Variants in ZNF366 observed in about 807,000 individuals in gnomAD.
ZNF366 encodes zinc finger protein 366.
Under a neutral mutation model 47.2 loss-of-function variants are expected in ZNF366, and 20 were observed. That is an observed-to-expected ratio of 0.42 (90% CI 0.30 to 0.62). The LOEUF (loss-of-function observed/expected upper bound fraction) is 0.62, where lower values mean the gene tolerates loss of function less well. Among genes scored for constraint, ZNF366 ranks in the 20% least tolerant of loss-of-function variants. The probability of loss-of-function intolerance (pLI) is 0.16; values close to 1 mark genes in which losing one functional copy is unlikely to be tolerated. For missense variants in ZNF366, 987 were observed against 976.3 expected, an observed-to-expected ratio of 1.01 and a Z score of -0.15; for synonymous variants, 421 against 395.1, an observed-to-expected ratio of 1.07 and a Z score of -0.78.
At chr5:72,444,381 G>A (rs1742920387) in intron 4 of ZNF366, 90 bp from the exon 5 acceptor site, 2 of 1,353,602 alleles carry the variant, frequency 1.5e-6, no homozygotes, top group Admixed American at 2.3e-5. Flanking sequence ...GCCGTTTAAT[G>A]TATTCCGATG....
intron 1 of ZNF366, among the ~76,000 whole-genome samples, chr5:72,495,068 G>A (rs568677994): frequency 6.6e-6 from 1 of 152,066 alleles, no homozygotes; most frequent in African/African-American, 2.4e-5. Flanking sequence ...CCTCATTGAT[G>A]TTGGCTTGTG....
intron 1 of ZNF366, among the ~76,000 whole-genome samples, chr5:72,492,599 A>T (rs182278437): frequency 6.6e-6 from 1 of 152,332 alleles, no homozygotes; most frequent in Non-Finnish European, 1.5e-5. Flanking sequence ...CACAAAAACA[A>T]AGCAAAAGCA....
chr5:72,461,539 TG>T, intron 1 of ZNF366, 29 bp from the exon 2 acceptor site: 1 of 1,516,792 alleles, frequency 6.6e-7, no homozygotes, highest in Non-Finnish European at 8.8e-7. Context: ...TTGTGTGTTT[TG>T]GTTTGGTTTT....
At chr5:72,445,586 G>A (rs962274774) in intron 4 of ZNF366, among the ~76,000 whole-genome samples, 3 of 152,162 alleles carry the variant, frequency 2.0e-5, no homozygotes, top group African/African-American at 4.8e-5. Flanking sequence ...ATTTTTCAAA[G>A]CAACCCTCTG....
intron 3 of ZNF366, among the ~76,000 whole-genome samples, chr5:72,452,104 A>G (rs1387466533): frequency 6.6e-6 from 1 of 152,224 alleles, no homozygotes; most frequent in African/African-American, 2.4e-5. Context: ...AATGAGATGC[A>G]CCAGGAAGCC....
At chr5:72,488,649 G>A (rs1743944726) in intron 1 of ZNF366, among the ~76,000 whole-genome samples, 1 of 152,180 alleles carries the variant, frequency 6.6e-6, no homozygotes, top group East Asian at 1.9e-4. Context: ...TAATAGCTGA[G>A]CCACAGTGAT....
At chr5:72,502,009 A>G (rs1013671978) in intron 1 of ZNF366, among the ~76,000 whole-genome samples, 1 of 152,138 alleles carries the variant, frequency 6.6e-6, no homozygotes, top group African/African-American at 2.4e-5. Context: ...GCAGTTTGGC[A>G]TTGTCTAGAC....
chr5:72,456,281 G>T, intron 3 of ZNF366, 123 bp downstream of exon 3: 1 of 1,062,860 alleles, frequency 9.4e-7, no homozygotes, highest in Non-Finnish European at 1.3e-6. Context: ...CCTGGGGTTG[G>T]CCACGGACCT....
At chr5:72,464,854 T>C (rs1743399296) in intron 1 of ZNF366, among the ~76,000 whole-genome samples, 3 of 151,192 alleles carry the variant, frequency 2.0e-5, no homozygotes, top group Admixed American at 2.0e-4. Flanking sequence ...AGGTCAGGAG[T>C]TTGAGACCAG....
intron 1 of ZNF366, among the ~76,000 whole-genome samples, chr5:72,479,386 G>A (rs994207937): frequency 6.6e-6 from 1 of 151,716 alleles, no homozygotes; most frequent in Middle Eastern, 3.2e-3. Context: ...AACATAGGGA[G>A]ACACTGTCTC....
At chr5:72,477,367 G>A (rs1473898797) in intron 1 of ZNF366, among the ~76,000 whole-genome samples, 1 of 152,220 alleles carries the variant, frequency 6.6e-6, no homozygotes, top group Non-Finnish European at 1.5e-5. Flanking sequence ...GGGAGGATAT[G>A]CTTTTAATGT....
intron 1 of ZNF366, 96 bp downstream of exon 1, chr5:72,507,155 T>A (rs1744334918): frequency 2.2e-6 from 2 of 915,662 alleles, no homozygotes; most frequent in Middle Eastern, 5.6e-4. Flanking sequence ...GGTTAAGGAC[T>A]ACTCCCAGTA....
At chr5:72,467,213 C>T (rs1743447896) in intron 1 of ZNF366, among the ~76,000 whole-genome samples, 1 of 152,208 alleles carries the variant, frequency 6.6e-6, no homozygotes, top group Non-Finnish European at 1.5e-5. Context: ...ATCACCCAAA[C>T]CCAATAGGCT....
At position 72,460,894 on chromosome 5, in the gene ZNF366, G is replaced by A. The variant is rs763603634; in HGVS notation, c.603C>T (p.His201=). Residue 201 remains histidine, a synonymous_variant, in exon 2 of 5, where the codon CAC becomes CAT. Transcript: ENST00000318442. ...PSSSPFPFSR[H]TFLPKQPPEP... ...CCGGGGGCTGCTTGGGCAGGAAGGT[G>A]TGCCGGCTGAAGGGGAAGGGCGAGG... The A allele has an allele frequency of 6.2e-7, 1 of 1,613,326 alleles. No individual in the cohort carries two copies. Among genetic ancestry groups the A allele is most frequent in the Non-Finnish European group, 8.5e-7 (1 of 1,179,520 alleles).
chr5:72,440,302 T>C lies in ZNF366; in HGVS notation c.*3454A>G, dbSNP rs184422557. On this transcript the variant is annotated 3_prime_UTR_variant, in exon 5 of 5. Transcript: ENST00000318442. The stretch of plus-strand genomic sequence containing the variant: ...TTATGAAAGGTCAGCCTTAGTCTCA[T>C]GGCCGGTGGGGAGTCAAATTTTTAA... 1.3e-4 allele frequency: 20 copies of C among 152,310 alleles called. No individual in the cohort carries two copies. Among genetic ancestry groups the C allele is most frequent in the Middle Eastern group, 3.4e-3 (1 of 294 alleles). 9.4% of individuals were successfully genotyped at this position (152,310 alleles called of 1,614,324 possible).
intron 1 of ZNF366, among the ~76,000 whole-genome samples, chr5:72,489,397 T>C (rs1743961586): frequency 6.6e-6 from 1 of 152,202 alleles, no homozygotes; most frequent in Non-Finnish European, 1.5e-5. Context: ...TTGTTTTCTT[T>C]CTTTTTTTTA....
In ZNF366 at chr5:72,484,467, G is replaced by C. The variant is rs55907720; in HGVS notation, c.-15+22784C>G. On this transcript the variant is annotated intron_variant, in intron 1 of 4. Transcript: ENST00000318442. ...CCACTGCACTCCAGCCTGGGCGACAGAGCGAGACTCCGTCTCAAAAAAAAA... is the reference window on the plus strand; with the variant it reads ...CCACTGCACTCCAGCCTGGGCGACACAGCGAGACTCCGTCTCAAAAAAAAA... Among the ~76,000 whole-genome samples the C allele has an allele frequency of 5.9e-3, 851 of 143,840 alleles. 9 individuals are homozygous for C. The highest frequency in any genetic ancestry group is 0.019 in the Middle Eastern group (5 of 270). The allele number at this position is 143,840 out of a possible 152,430, so 94.4% of individuals were successfully genotyped here. A position where few individuals can be genotyped will look rare whatever the true frequency, so the allele number is the denominator to read the frequency against.
intron 1 of ZNF366, among the ~76,000 whole-genome samples, chr5:72,477,563 T>C (rs1246968901): frequency 6.6e-6 from 1 of 152,196 alleles, no homozygotes; most frequent in Non-Finnish European, 1.5e-5. Context: ...AAATCAACAA[T>C]TCTGGTAACA....
intron 1 of ZNF366, among the ~76,000 whole-genome samples, chr5:72,470,568 T>C (rs1743540814): frequency 6.6e-6 from 1 of 152,240 alleles, no homozygotes; most frequent in South Asian, 2.1e-4. Context: ...CCTATATTTC[T>C]AACATAGTTT....
Sources: allele counts gnomAD v4.1 joint callset (sites outside exome capture counted in the v4.1 genomes callset), GRCh38; gene constraint gnomAD v4.1.1; transcripts MANE v1.5; gene names NCBI Gene and HGNC (gene_info 2026-07-23, HGNC 2026-07-21).